Variants in PPM1H observed in about 807,000 individuals in gnomAD.
PPM1H encodes the protein protein phosphatase 1H.
A neutral mutation model predicts 54.9 loss-of-function variants in PPM1H; 27 were observed. The ratio of observed to expected loss-of-function variants is 0.49; its 90% CI spans 0.36 to 0.68. The LOEUF is 0.68. Among genes scored for constraint, PPM1H ranks in the 30% least tolerant of loss-of-function variants. The pLI, the probability that PPM1H is intolerant of heterozygous loss-of-function variation, is 0.00. For synonymous variants in PPM1H, 305 were observed against 270.8 expected (o/e 1.13, Z -1.24); for missense variants, 596 against 667.8 (o/e 0.89, Z 1.19).
At chr12:62,845,041 T>C (rs1377770108) in intron 1 of PPM1H, among the ~76,000 whole-genome samples, 1 of 152,246 alleles carries the variant, frequency 6.6e-6, no homozygotes, top group Non-Finnish European at 1.5e-5. Flanking sequence ...CTCTGGCTTC[T>C]GCCTTATAAA....
At chr12:62,709,018 T>C (rs1208320493) in intron 6 of PPM1H, among the ~76,000 whole-genome samples, 3 of 152,200 alleles carry the variant, frequency 2.0e-5, no homozygotes, top group Admixed American at 6.5e-5. Context: ...CTGTTCATTA[T>C]TGGCATCCTT....
rs141404967 is a variant in PPM1H, at chr12:62,689,934, C to T, written c.1138-128G>A. The T allele has an allele frequency of 2.1e-4, 123 of 584,218 alleles. 1 individual carries two copies. The highest frequency in any genetic ancestry group is 1.9e-3 in the African/African-American group (103 of 53,636). 36.2% of individuals were successfully genotyped at this position (584,218 alleles called of 1,614,324 possible). ...CCTCCTGCCCAGATATGTTTCCAGG[C>T]CCCTTGCTGCTAACATACGTGGATA... On this transcript the variant is annotated intron_variant, in intron 7 of 9. Transcript: ENST00000228705.
chr12:62,770,544 A>G (rs939295449), intron 4 of PPM1H, among the ~76,000 whole-genome samples: 1 of 130,140 alleles, frequency 7.7e-6, no homozygotes, highest in African/African-American at 3.5e-5. Flanking sequence ...AGTATATAAT[A>G]CAGCTTTTTT....
intron 1 of PPM1H, among the ~76,000 whole-genome samples, chr12:62,871,938 G>A (rs760091191): frequency 1.4e-4 from 22 of 152,228 alleles, no homozygotes; most frequent in Admixed American, 9.8e-4. Context: ...AACTCTTACA[G>A]TGGGTCACAG....
At chr12:62,697,152 A>C in intron 6 of PPM1H, among the ~76,000 whole-genome samples, 1 of 140,434 alleles carries the variant, frequency 7.1e-6, no homozygotes. Context: ...TTTGAGACAG[A>C]GTCTCGCTCT....
At chr12:62,782,375 G>A (rs557761911) in intron 4 of PPM1H, among the ~76,000 whole-genome samples, 6 of 152,304 alleles carry the variant, frequency 3.9e-5, no homozygotes, top group Non-Finnish European at 7.4e-5. Flanking sequence ...ATTTAGGAAC[G>A]TAAGTCCTGT....
At chr12:62,790,703 G>T (rs750661276) in intron 3 of PPM1H, among the ~76,000 whole-genome samples, 2 of 152,208 alleles carry the variant, frequency 1.3e-5, no homozygotes, top group Non-Finnish European at 2.9e-5. Flanking sequence ...GAGCCACGGG[G>T]AGGAGGTAGG....
chr12:62,701,613 G>T lies in PPM1H; in HGVS notation c.1074-7614C>A, dbSNP rs529770745. On this transcript the variant is annotated intron_variant, in intron 6 of 9. Transcript: ENST00000228705. ...CCAATGATGAGGCCCTCCATGATCT[G>T]GCCTTTGCACTCTGACATCGTCGAT... Among the ~76,000 whole-genome samples the T allele has an allele frequency of 3.9e-5, 6 of 152,006 alleles. No homozygotes were observed. In the East Asian group the frequency reaches 9.7e-4, roughly 24 times the overall value.
chr12:62,668,407 A>G (rs1355925356), intron 8 of PPM1H, among the ~76,000 whole-genome samples: 2 of 152,142 alleles, frequency 1.3e-5, no homozygotes, highest in Non-Finnish European at 2.9e-5. Context: ...GGAGTCTCTC[A>G]CTGTGTTGCC....
At chr12:62,725,468 C>G (rs905249400) in intron 5 of PPM1H, among the ~76,000 whole-genome samples, 3 of 152,204 alleles carry the variant, frequency 2.0e-5, no homozygotes, top group African/African-American at 7.2e-5. Context: ...TCTGAACAAA[C>G]AGCCTTGCTA....
chr12:62,688,935 G>T (rs2076069258), intron 8 of PPM1H, among the ~76,000 whole-genome samples: 1 of 152,340 alleles, frequency 6.6e-6, no homozygotes, highest in Admixed American at 6.5e-5. Context: ...GACAGAAGTT[G>T]CAGTTAGCCG....
At chr12:62,849,838 T>C (rs527276139) in intron 1 of PPM1H, among the ~76,000 whole-genome samples, 13 of 152,344 alleles carry the variant, frequency 8.5e-5, no homozygotes, top group African/African-American at 2.6e-4. Context: ...AGAGCATCCA[T>C]GCCTCTACAC....
At chr12:62,711,984 A>G (rs545348921) in intron 6 of PPM1H, among the ~76,000 whole-genome samples, 84 of 152,318 alleles carry the variant, frequency 5.5e-4, no homozygotes, top group African/African-American at 1.9e-3. Context: ...GATGTGCTGC[A>G]CACAGCAGGG....
intron 9 of PPM1H, among the ~76,000 whole-genome samples, chr12:62,656,634 G>C (rs574548366): frequency 6.6e-6 from 1 of 152,194 alleles, no homozygotes. Context: ...TCTTATAAGA[G>C]GGTGAGTAGT....
intron 1 of PPM1H, among the ~76,000 whole-genome samples, chr12:62,905,473 T>A (rs779912349): frequency 1.5e-4 from 23 of 152,278 alleles, no homozygotes; most frequent in South Asian, 4.1e-4. Flanking sequence ...TTTCATGATA[T>A]CCCACACATG....
intron 4 of PPM1H, among the ~76,000 whole-genome samples, chr12:62,771,880 A>G (rs1481792352): frequency 6.6e-6 from 1 of 152,162 alleles, no homozygotes; most frequent in Non-Finnish European, 1.5e-5. Flanking sequence ...CTTCATTATT[A>G]ACTAAGCCTT....
In PPM1H at chr12:62,789,935, G is replaced by A. The variant is rs2076693909; in HGVS notation, c.757-1597C>T. Among the ~76,000 whole-genome samples the A allele has an allele frequency of 2.6e-5, 4 of 152,336 alleles. No homozygotes were observed. The South Asian group carries it at 8.3e-4, about 32-fold the overall frequency. On this transcript the variant is annotated intron_variant, in intron 3 of 9. Coordinates refer to ENST00000228705, the MANE Select transcript of PPM1H (RefSeq NM_020700.2). ...GTTAGTAAGATACATTGAATGCCTG[G>A]CTAAAATAATGCCAAATCTTCCAGT...
intron 8 of PPM1H, among the ~76,000 whole-genome samples, chr12:62,689,366 C>T (rs1031754962): frequency 3.3e-5 from 5 of 152,204 alleles, no homozygotes; most frequent in African/African-American, 1.2e-4. Context: ...CTGAGCTTTA[C>T]TCTCCATGCC....
intron 6 of PPM1H, among the ~76,000 whole-genome samples, chr12:62,716,526 G>C (rs1592559753): frequency 6.6e-6 from 1 of 152,316 alleles, no homozygotes. Context: ...CTTTGCAGTA[G>C]GTGGACTTTT....
Sources: allele counts gnomAD v4.1 joint callset (sites outside exome capture counted in the v4.1 genomes callset), GRCh38; gene constraint gnomAD v4.1.1; transcripts MANE v1.5; gene names NCBI Gene and HGNC (gene_info 2026-07-23, HGNC 2026-07-21).